AGMO: variants seen among roughly 807,000 people sequenced by gnomAD.
AGMO encodes the protein glyceryl-ether monooxygenase.
Under a neutral mutation model 60.2 loss-of-function variants are expected in AGMO, and 75 were observed. The ratio of observed to expected loss-of-function variants is 1.25; its 90% CI spans 1.03 to 1.51. The LOEUF (loss-of-function observed/expected upper bound fraction) is 1.51. AGMO is among the 40% of genes most tolerant of loss of function. The pLI is 0.00. For missense variants in AGMO, 763 were observed against 525.5 expected (o/e 1.45, Z -4.42); for synonymous variants, 261 against 177.1 (o/e 1.47, Z -3.76).
intron 12 of AGMO, among the ~76,000 whole-genome samples, chr7:15,315,078 G>C (rs1780877607): frequency 6.6e-6 from 1 of 152,048 alleles, no homozygotes; most frequent in South Asian, 2.1e-4. Flanking sequence ...TCAGCCAACA[G>C]CCACAAAGAG....
chr7:15,303,985 A>C (rs1421126532), intron 12 of AGMO, among the ~76,000 whole-genome samples: 1 of 152,164 alleles, frequency 6.6e-6, no homozygotes, highest in Non-Finnish European at 1.5e-5. Context: ...CAAAATATCC[A>C]ATACGATTTT....
chr7:15,370,386 G>A (rs551325460), intron 10 of AGMO, among the ~76,000 whole-genome samples: 1 of 152,162 alleles, frequency 6.6e-6, no homozygotes, highest in Non-Finnish European at 1.5e-5. Context: ...CTTTTAGAGT[G>A]ATTTATTTTC....
At chr7:15,365,436 A>G in intron 12 of AGMO, 78 bp downstream of exon 12, 2 of 797,192 alleles carry the variant, frequency 2.5e-6, no homozygotes, top group Non-Finnish European at 1.9e-6. Context: ...AATGAAGTAG[A>G]GAAAACATCC....
At chr7:15,269,487 G>A (rs574388054) in intron 12 of AGMO, among the ~76,000 whole-genome samples, 1 of 152,140 alleles carries the variant, frequency 6.6e-6, no homozygotes, top group East Asian at 1.9e-4. Context: ...AAAGACAGGA[G>A]GCGGAGGTGA....
intron 3 of AGMO, among the ~76,000 whole-genome samples, chr7:15,466,320 C>T (rs939887767): frequency 6.6e-6 from 1 of 152,066 alleles, no homozygotes; most frequent in African/African-American, 2.4e-5. Context: ...TCTGGGTAAT[C>T]TGAATTTTAT....
At chr7:15,402,148 G>C (rs1246658772) in intron 5 of AGMO, among the ~76,000 whole-genome samples, 1 of 152,046 alleles carries the variant, frequency 6.6e-6, no homozygotes, top group Non-Finnish European at 1.5e-5. Flanking sequence ...AATTTTTAAA[G>C]ATTAATTTTC....
intron 12 of AGMO, among the ~76,000 whole-genome samples, chr7:15,272,821 C>G (rs577218902): frequency 2.0e-5 from 3 of 151,934 alleles, no homozygotes; most frequent in Non-Finnish European, 4.4e-5. Flanking sequence ...TTTTAATGAT[C>G]GCCATTCTAA....
At chr7:15,558,620 C>T (rs1785218055) in intron 2 of AGMO, among the ~76,000 whole-genome samples, 2 of 151,940 alleles carry the variant, frequency 1.3e-5, no homozygotes, top group African/African-American at 2.4e-5. Context: ...TTTCTGGAGA[C>T]ATTATCTTCT....
At chr7:15,455,270 G>A (rs112957722) in intron 3 of AGMO, among the ~76,000 whole-genome samples, 17 of 152,096 alleles carry the variant, frequency 1.1e-4, no homozygotes, top group African/African-American at 4.1e-4. Flanking sequence ...GGTTTATGTT[G>A]GTTTGTTTCT....
chr7:15,531,406 CTA>C (rs1276155641), intron 3 of AGMO, among the ~76,000 whole-genome samples: 1 of 59,504 alleles, frequency 1.7e-5, no homozygotes, highest in African/African-American at 7.9e-5. Context: ...TATATATATT[CTA>C]TATATATTCT....
intron 3 of AGMO, among the ~76,000 whole-genome samples, chr7:15,485,445 A>G (rs1782892384): frequency 6.6e-6 from 1 of 152,216 alleles, no homozygotes; most frequent in Admixed American, 6.5e-5. Flanking sequence ...AAGAAGCTCA[A>G]ATTACCTTTA....
At chr7:15,518,325 G>A (rs1783879761) in intron 3 of AGMO, among the ~76,000 whole-genome samples, 1 of 152,098 alleles carries the variant, frequency 6.6e-6, no homozygotes. Flanking sequence ...CTCTGCTAAG[G>A]GACAGACTGT....
At position 15,390,818 on chromosome 7, in the gene AGMO, G is replaced by C. The variant is rs199744253; in HGVS notation, c.742+22C>G. 1.7e-3 allele frequency: 2,775 copies of C among 1,590,336 alleles called. 6 individuals carry two copies. Among genetic ancestry groups the C allele is most frequent in the Non-Finnish European group, 2.3e-3 (2,677 of 1,161,364 alleles). On this transcript the variant is annotated intron_variant, in intron 7 of 12. Coordinates refer to ENST00000342526, the MANE Select transcript of AGMO (RefSeq NM_001004320.2). The stretch of plus-strand genomic sequence containing the variant: ...AGTAAAGGAGCTGATTTAATTTTTT[G>C]ATTTTAATACATTTTACTTACCAAA...
chr7:15,491,947 CTATT>C (rs1783076829), intron 3 of AGMO, among the ~76,000 whole-genome samples: 1 of 152,144 alleles, frequency 6.6e-6, no homozygotes, highest in Non-Finnish European at 1.5e-5. Flanking sequence ...ACCCATTACT[CTATT>C]TAGACCAAAG....
intron 12 of AGMO, among the ~76,000 whole-genome samples, chr7:15,311,166 CA>C (rs913319116): frequency 1.3e-5 from 2 of 151,766 alleles, no homozygotes; most frequent in Admixed American, 6.6e-5. Flanking sequence ...AAAACAAAAC[CA>C]AAAATGCTAG....
intron 12 of AGMO, among the ~76,000 whole-genome samples, chr7:15,354,449 T>TGTATACGCGC (rs1782418830): frequency 4.6e-5 from 1 of 21,756 alleles, no homozygotes; most frequent in Non-Finnish European, 7.0e-5. Flanking sequence ...TACACACGTG[T>TGTATACGCGC]GTGTATACAC....
chr7:15,507,321 G>A (rs1783540231), intron 3 of AGMO, among the ~76,000 whole-genome samples: 1 of 152,034 alleles, frequency 6.6e-6, no homozygotes, highest in Non-Finnish European at 1.5e-5. Context: ...AAAAAGGAAT[G>A]CACAACAGTA....
intron 12 of AGMO, among the ~76,000 whole-genome samples, chr7:15,364,065 T>G (rs926341051): frequency 3.3e-5 from 5 of 152,010 alleles, no homozygotes; most frequent in African/African-American, 1.2e-4. Context: ...ATATATTAAA[T>G]TAGATGATAT....
chr7:15,187,228 G>T, the AGMO span, among the ~76,000 whole-genome samples: 1 of 152,122 alleles, frequency 6.6e-6, no homozygotes, highest in Non-Finnish European at 1.5e-5. Context: ...TGGAAAATTA[G>T]AGTATCTATG....
Sources: gnomAD v4.1 joint callset for allele counts (sites outside exome capture counted in the v4.1 genomes callset) on GRCh38, gnomAD v4.1.1 for gene constraint, MANE v1.5 for transcripts, NCBI Gene and HGNC (gene_info 2026-07-23, HGNC 2026-07-21) for gene names.